Variants in CASP5 observed in about 807,000 individuals in gnomAD.
CASP5 encodes caspase-5.
In CASP5, 42 loss-of-function variants were observed where a neutral mutation model predicts 45.2. The ratio of observed to expected loss-of-function variants is 0.93; its 90% CI spans 0.73 to 1.20. CASP5 has a LOEUF of 1.20. Among genes scored for constraint, CASP5 ranks in the 50% most tolerant of loss-of-function variants. The pLI, the probability that CASP5 is intolerant of heterozygous loss-of-function variation, is 0.00. For synonymous variants in CASP5, 209 were observed against 186.2 expected, an observed-to-expected ratio of 1.12 and a Z score of -1.00; for missense variants, 512 against 532.2, an observed-to-expected ratio of 0.96 and a Z score of 0.37.
intron 8 of CASP5, 61 bp from the exon 9 acceptor site, chr11:104,995,903 A>T: frequency 9.6e-7 from 1 of 1,042,508 alleles, no homozygotes; most frequent in Non-Finnish European, 1.5e-6. Flanking sequence ...TGCATCTTAC[A>T]CCATGAACCA....
intron 4 of CASP5, 37 bp from the exon 5 acceptor site, chr11:105,002,238 G>A (rs370717259): frequency 1.9e-6 from 3 of 1,605,646 alleles, no homozygotes; most frequent in Non-Finnish European, 2.6e-6. Flanking sequence ...TTGATTACCC[G>A]AGTCTCTTTT....
intron 1 of CASP5, among the ~76,000 whole-genome samples, chr11:105,012,635 C>CATAA (rs755497190): frequency 1.2e-4 from 18 of 151,554 alleles, no homozygotes; most frequent in Non-Finnish European, 1.5e-5. Flanking sequence ...AAGGAAGATG[C>CATAA]ATAAATGGAC....
chr11:105,001,262 A>G (rs1306393958), intron 5 of CASP5, among the ~76,000 whole-genome samples: 1 of 152,112 alleles, frequency 6.6e-6, no homozygotes, highest in African/African-American at 2.4e-5. Flanking sequence ...TTTTACCTCC[A>G]CTCTAACCTA....
intron 4 of CASP5, 103 bp from the exon 5 acceptor site, chr11:105,002,304 T>C: frequency 1.2e-6 from 1 of 840,224 alleles, no homozygotes; most frequent in Non-Finnish European, 1.9e-6. Flanking sequence ...AGCTGCCACC[T>C]TCCCTAACCT....
Position 104,998,925 on chromosome 11 carries a change from G to A in CASP5, c.1056C>T (p.His352=), listed in dbSNP as rs765481355. The change falls in exon 7 of 10, where the codon CAC becomes CAT. Residue 352 remains histidine, a synonymous_variant. Coordinates refer to ENST00000260315, the MANE Select transcript of CASP5 (RefSeq NM_004347.5). Reference sequence around the variant, plus strand: ...AGAAAGCAATGAAGTCCTTCTCCTCGTGGATCTTGCAAACAGAATCTGCCT... The same window carrying A: ...AGAAAGCAATGAAGTCCTTCTCCTCATGGATCTTGCAAACAGAATCTGCCT... ...NLEADSVCKI[H]EEKDFIAFCS... 5.6e-6 allele frequency: 9 copies of A among 1,613,830 alleles called. No individual in the cohort carries two copies. Among genetic ancestry groups the A allele is most frequent in the East Asian group, 2.2e-5 (1 of 44,850 alleles).
chr11:105,021,471 C>T (rs1342042931), intron 1 of CASP5, among the ~76,000 whole-genome samples: 1 of 149,316 alleles, frequency 6.7e-6, no homozygotes, highest in Non-Finnish European at 1.5e-5. Context: ...AAGAAAAAAA[C>T]AAACAACCCC....
intron 1 of CASP5, among the ~76,000 whole-genome samples, chr11:105,019,158 G>A (rs928181215): frequency 4.0e-4 from 60 of 151,054 alleles, no homozygotes; most frequent in African/African-American, 1.3e-3. Flanking sequence ...TCAAAGCAGT[G>A]TGTAGAGGGA....
Position 105,002,170 on chromosome 11 carries a change from CT to C in CASP5, c.574del (p.Arg192AspfsTer28). On this transcript the variant is annotated frameshift_variant, in exon 5 of 10. Coordinates refer to ENST00000260315, the MANE Select transcript of CASP5 (RefSeq NM_004347.5). LOFTEE classifies it high-confidence loss of function. ...IYPIKKREDRRRLALIICNTK... is the reference protein window; with the variant it reads ...IYPIKKREDRXRLALIICNTK... ...ATTGCATATGATGAGAGCCAGGCGT[CT>C]GCGGTCCTCTCTCTTTTTTATTGGA... 1 of 1,614,102 alleles carries C rather than the reference CT, an allele frequency of 6.2e-7. No individual in the cohort carries two copies. Among genetic ancestry groups the C allele is most frequent in the Non-Finnish European group, 8.5e-7 (1 of 1,179,980 alleles).
intron 1 of CASP5, among the ~76,000 whole-genome samples, chr11:105,009,758 T>TATATATACACAC (rs1555079440): frequency 9.7e-4 from 88 of 90,258 alleles, no homozygotes; most frequent in African/African-American, 3.7e-3. Context: ...TATATATATA[T>TATATATACACAC]ACACACACAC....
chr11:105,017,880 GA>G (rs374308203), intron 1 of CASP5, among the ~76,000 whole-genome samples: 23,009 of 151,696 alleles, frequency 0.15, 1,971 homozygotes, highest in Admixed American at 0.24. Flanking sequence ...TGAAATGAAG[GA>G]AAAAATGTTA....
intron 1 of CASP5, among the ~76,000 whole-genome samples, chr11:105,010,395 T>G (rs1470383192): frequency 7.8e-6 from 1 of 129,004 alleles, no homozygotes; most frequent in African/African-American, 2.6e-5. Flanking sequence ...TATAATGATT[T>G]AATCAGTAAT....
At chr11:105,009,848 T>C (rs1565388453) in intron 1 of CASP5, among the ~76,000 whole-genome samples, 2 of 139,526 alleles carry the variant, frequency 1.4e-5, no homozygotes, top group Non-Finnish European at 3.1e-5. Context: ...TACACATATA[T>C]ATACACATAT....
chr11:105,016,331 C>A (rs529649), intron 1 of CASP5, among the ~76,000 whole-genome samples: 14,440 of 152,154 alleles, frequency 0.095, 968 homozygotes, highest in Admixed American at 0.21. Flanking sequence ...AGGAACAGCT[C>A]CAGTCTACAG....
Position 104,995,882 on chromosome 11 carries a change from G to C in CASP5, c.1207-40C>G, listed in dbSNP as rs1013501056. On this transcript the variant is annotated intron_variant, in intron 8 of 9. Coordinates refer to ENST00000260315, the MANE Select transcript of CASP5 (RefSeq NM_004347.5). ...AGTAGATGAGATATGAGGGATTTTG[G>C]GTTCTCAGAATGCATCTTACACCAT... 3 of 1,335,406 alleles carry C rather than the reference G, an allele frequency of 2.2e-6. No individual in the cohort carries two copies. The African/African-American group carries it at 4.3e-5, about 19-fold the overall frequency. The allele number at this position is 1,335,406 out of a possible 1,614,324, so 82.7% of individuals were successfully genotyped here.
At chr11:105,003,842 A>T (rs1488070775) in intron 3 of CASP5, among the ~76,000 whole-genome samples, 1 of 151,254 alleles carries the variant, frequency 6.6e-6, no homozygotes, top group Non-Finnish European at 1.5e-5. Flanking sequence ...TCACATTTAC[A>T]AAAGGTAAAA....
At chr11:105,020,614 C>A (rs1157634577) in intron 1 of CASP5, among the ~76,000 whole-genome samples, 1 of 150,632 alleles carries the variant, frequency 6.6e-6, no homozygotes, top group East Asian at 1.9e-4. Context: ...TGTGAAGGAC[C>A]TCTTCAAGGA....
chr11:105,018,953 A>G (rs1230766175), intron 1 of CASP5, among the ~76,000 whole-genome samples: 2 of 150,700 alleles, frequency 1.3e-5, no homozygotes, highest in Non-Finnish European at 3.0e-5. Flanking sequence ...ATAACAAACT[A>G]TCTCTCAGAC....
rs1565380038 is a variant in CASP5 at position 104,998,915 on chromosome 11, C to G, written c.1066G>C (p.Asp356His). Residue 356 changes from aspartate (D) to histidine (H), a missense_variant, in exon 7 of 10, where the codon GAC becomes CAC. Coordinates refer to ENST00000260315, the MANE Select transcript of CASP5 (RefSeq NM_004347.5). ...GTTGAAGAACAGAAAGCAATGAAGT[C>G]CTTCTCCTCGTGGATCTTGCAAACA... ...DSVCKIHEEK[D>H]FIAFCSSTPH... 1 of 1,613,896 alleles carries G rather than the reference C, an allele frequency of 6.2e-7. No homozygotes were observed. Among genetic ancestry groups the G allele is most frequent in the Admixed American group, 1.7e-5 (1 of 59,984 alleles).
Position 105,000,600 on chromosome 11 carries a change from G to A in CASP5, c.718-105C>T, listed in dbSNP as rs190960148. 161 of 1,020,184 alleles carry A rather than the reference G, an allele frequency of 1.6e-4. No individual in the cohort carries two copies. In the African/African-American group the frequency reaches 2.2e-3, roughly 14 times the overall value. The allele number at this position is 1,020,184 out of a possible 1,614,324, so 63.2% of individuals were successfully genotyped here. A position where few individuals can be genotyped will look rare whatever the true frequency, so the allele number is the denominator to read the frequency against. Reference sequence around the variant, plus strand: ...AAGAAACATATGTAACATCCGGGTCGTGGTGCTTCACATAGCGCTTACTCA... The same window carrying A: ...AAGAAACATATGTAACATCCGGGTCATGGTGCTTCACATAGCGCTTACTCA... On this transcript the variant is annotated intron_variant, in intron 5 of 9. Transcript: ENST00000260315.
Sources: gnomAD v4.1 joint callset for allele counts (sites outside exome capture counted in the v4.1 genomes callset) on GRCh38, gnomAD v4.1.1 for gene constraint, MANE v1.5 for transcripts, NCBI Gene and HGNC (gene_info 2026-07-23, HGNC 2026-07-21) for gene names.